TEKT1: variants seen among roughly 807,000 people sequenced by gnomAD.
The protein encoded by TEKT1 is tektin-1.
Under a neutral mutation model 34.8 loss-of-function variants are expected in TEKT1, and 32 were observed. The ratio of observed to expected loss-of-function variants is 0.92; its 90% CI spans 0.69 to 1.23. TEKT1 has a LOEUF of 1.23. Ranked by LOEUF, TEKT1 falls within the 50% of genes most tolerant of loss-of-function variation. The pLI, the probability that TEKT1 is intolerant of heterozygous loss-of-function variation, is 0.00. For missense variants in TEKT1, 492 were observed against 518.5 expected, an observed-to-expected ratio of 0.95 and a Z score of 0.50; for synonymous variants, 207 against 199.8, an observed-to-expected ratio of 1.04 and a Z score of -0.30.
intron 2 of TEKT1, among the ~76,000 whole-genome samples, chr17:6,826,564 T>C (rs1904399966): frequency 1.3e-5 from 2 of 152,148 alleles, no homozygotes; most frequent in African/African-American, 4.8e-5. Flanking sequence ...TATTCTCCCA[T>C]AAGTGTCATT....
At chr17:6,815,391 C>T in intron 4 of TEKT1, 85 bp from the exon 5 acceptor site, 1 of 1,543,930 alleles carries the variant, frequency 6.5e-7, no homozygotes, top group Non-Finnish European at 8.9e-7. Flanking sequence ...GAAAGTGAAG[C>T]TGCAGCTAGG....
intron 6 of TEKT1, among the ~76,000 whole-genome samples, chr17:6,809,513 T>C (rs1976897363): frequency 6.6e-6 from 1 of 152,202 alleles, no homozygotes; most frequent in African/African-American, 2.4e-5. Flanking sequence ...ATTACAGGCA[T>C]GAGCCACCGC....
intron 3 of TEKT1, among the ~76,000 whole-genome samples, chr17:6,817,859 C>T (rs1977027229): frequency 6.6e-6 from 1 of 152,218 alleles, no homozygotes; most frequent in African/African-American, 2.4e-5. Context: ...ATAGTACATG[C>T]TCAGTAAACT....
intron 2 of TEKT1, among the ~76,000 whole-genome samples, chr17:6,828,251 C>A (rs1279431891): frequency 6.6e-6 from 1 of 152,100 alleles, no homozygotes; most frequent in Non-Finnish European, 1.5e-5. Flanking sequence ...GGCGCCTTCT[C>A]ATTTTTAACA....
In TEKT1 at chr17:6,827,301, G is replaced by A. The variant is rs530456799; in HGVS notation, c.190+2886C>T. On this transcript the variant is annotated intron_variant, in intron 2 of 7. Transcript: ENST00000338694. ...TTTGAGATGGAGTCTCGCTCTTGTC[G>A]CCCGGGCTGGAGTGCAGTGGCGTGA... Among the ~76,000 whole-genome samples, 14 of 137,182 alleles carry A rather than the reference G, an allele frequency of 1.0e-4. 1 individual carries two copies. The South Asian group carries it at 2.7e-3, about 27-fold the overall frequency. 90.0% of individuals were successfully genotyped at this position (137,182 alleles called of 152,430 possible).
rs764014131 is a variant in TEKT1, at chr17:6,800,800, G to T, written c.996C>A (p.Val332=). 11 of 1,613,980 alleles carry T rather than the reference G, an allele frequency of 6.8e-6. No individual in the cohort carries two copies. Among genetic ancestry groups the T allele is most frequent in the African/African-American group, 4.0e-5 (3 of 74,902 alleles). ...HRPNVELCRD[V]AQYRLMKEVQ... is the part of the protein sequence containing the mutation. ...CCTCCTTCATTAGCCTATATTGTGCGACATCACGACACAGCTCCACGTTCG... is the reference window on the plus strand; with the variant it reads ...CCTCCTTCATTAGCCTATATTGTGCTACATCACGACACAGCTCCACGTTCG... The change falls in exon 7 of 8, where the codon GTC becomes GTA. Residue 332 remains valine (V), a synonymous_variant. Coordinates refer to ENST00000338694, the MANE Select transcript of TEKT1 (RefSeq NM_053285.2).
At chr17:6,802,947 T>G (rs927850030) in intron 6 of TEKT1, among the ~76,000 whole-genome samples, 4 of 152,118 alleles carry the variant, frequency 2.6e-5, no homozygotes, top group Admixed American at 1.3e-4. Context: ...ATAGCAGCAT[T>G]ATTTATAATC....
chr17:6,815,638 C>T (rs768567964), intron 4 of TEKT1, among the ~76,000 whole-genome samples, 196 bp downstream of exon 4: 4 of 152,192 alleles, frequency 2.6e-5, no homozygotes, highest in Non-Finnish European at 4.4e-5. Context: ...CAGCCCCACC[C>T]TTACCAGAGG....
chr17:6,824,427 C>T (rs762603116), intron 2 of TEKT1, among the ~76,000 whole-genome samples: 14 of 152,146 alleles, frequency 9.2e-5, no homozygotes, highest in African/African-American at 2.4e-4. Context: ...CTCTTCCTCA[C>T]GTACTCTACA....
chr17:6,803,778 G>A (rs1224270437), intron 6 of TEKT1, among the ~76,000 whole-genome samples: 3 of 152,038 alleles, frequency 2.0e-5, no homozygotes, highest in Non-Finnish European at 2.9e-5. Context: ...GTAGATATGC[G>A]GCAGTATTTC....
intron 6 of TEKT1, 57 bp downstream of exon 6, chr17:6,812,774 T>C: frequency 6.4e-7 from 1 of 1,557,960 alleles, no homozygotes; most frequent in African/African-American, 1.3e-5. Context: ...ATTCTTGTTT[T>C]CCATGGTGAA....
chr17:6,825,534 T>C (rs536535302), intron 2 of TEKT1, among the ~76,000 whole-genome samples: 1 of 152,296 alleles, frequency 6.6e-6, no homozygotes, highest in East Asian at 1.9e-4. Flanking sequence ...ACACATATCA[T>C]AAAATTCAAT....
chr17:6,800,116 A>G lies in TEKT1; in HGVS notation c.1168T>C (p.Cys390Arg). Residue 390 changes from cysteine to arginine, a missense_variant, in exon 8 of 8, where the codon TGT becomes CGT. Coordinates refer to ENST00000338694, the MANE Select transcript of TEKT1 (RefSeq NM_053285.2). ...ENTIYIDEVL[C>R]MQMRKSIPLR... ...GGGATGGATTTCCTCATCTGCATAC[A>G]CAGCACTTCGTCGATATAAATGGTG... The G allele has an allele frequency of 6.2e-7, 1 of 1,614,114 alleles. No individual in the cohort carries two copies. Among genetic ancestry groups the G allele is most frequent in the South Asian group, 1.1e-5 (1 of 91,086 alleles).
chr17:6,819,356 G>A lies in TEKT1; in HGVS notation c.193C>T (p.Gln65Ter). 1 of 1,612,022 alleles carries A rather than the reference G, an allele frequency of 6.2e-7. No homozygotes were observed. The highest frequency in any genetic ancestry group is 8.5e-7 in the Non-Finnish European group (1 of 1,179,112). Residue 65 changes from glutamine to a stop codon, truncating the protein, a stop_gained and splice_region_variant, in exon 3 of 8, where the codon CAG becomes TAG. Coordinates refer to ENST00000338694, the MANE Select transcript of TEKT1 (RefSeq NM_053285.2). LOFTEE classifies it high-confidence loss of function. ...CAGAACTGGACTTCCTCGAGTCTCT[G>A]TTCTGAAGCACACGGGGAAGTTACA... ...SQSDVNKKLE[Q>*]RLEEVQFWKK...
rs1363666939 is a variant in TEKT1 at position 6,800,368 on chromosome 17, G to A, written c.1050-134C>T. 2.7e-5 allele frequency: 19 copies of A among 692,878 alleles called. No homozygotes were observed. The South Asian group carries it at 2.8e-4, about 10-fold the overall frequency. The allele number at this position is 692,878 out of a possible 1,614,324, so 42.9% of individuals were successfully genotyped here. A position where few individuals can be genotyped will look rare whatever the true frequency, so the allele number is the denominator to read the frequency against. On this transcript the variant is annotated intron_variant, in intron 7 of 7. Coordinates refer to ENST00000338694, the MANE Select transcript of TEKT1 (RefSeq NM_053285.2). The stretch of plus-strand genomic sequence containing the variant: ...CTTCCCCTTCCTCTCTCCTCATGAA[G>A]ACAGAGATCTCACTAATTTTAGAAT...
At chr17:6,821,974 C>T (rs1266474964) in intron 2 of TEKT1, among the ~76,000 whole-genome samples, 1 of 140,748 alleles carries the variant, frequency 7.1e-6, no homozygotes, top group Non-Finnish European at 1.5e-5. Context: ...AAGCCAGCTA[C>T]AGAAATTTGC....
intron 6 of TEKT1, 99 bp from the exon 7 acceptor site, chr17:6,801,042 A>C: frequency 1.7e-6 from 2 of 1,164,682 alleles, no homozygotes; most frequent in Non-Finnish European, 2.4e-6. Flanking sequence ...AGGAAGAGGG[A>C]ACCTCAGATT....
In TEKT1 at chr17:6,815,840, T is replaced by C. The variant is rs1976997666; in HGVS notation, c.479A>G (p.Gln160Arg). The change falls in exon 4 of 8, where the codon CAG becomes CGG. Residue 160 changes from glutamine to arginine, a missense_variant. Transcript: ENST00000338694. ...LTRTLEEASE[Q>R]IRMNRSAKYN... ...GCAGGCCGAAGAGTCATACCGAATC[T>C]GCTCGGAAGCCTCCTCCAAGGTACG... The C allele has an allele frequency of 1.2e-6, 2 of 1,614,126 alleles. No individual in the cohort carries two copies. Among genetic ancestry groups the C allele is most frequent in the African/African-American group, 1.3e-5 (1 of 74,950 alleles).
chr17:6,815,288 C>T lies in TEKT1; in HGVS notation c.504G>A (p.Lys168=), dbSNP rs746333831. 4.3e-6 allele frequency: 7 copies of T among 1,614,240 alleles called. No homozygotes were observed. Among genetic ancestry groups the T allele is most frequent in the East Asian group, 4.5e-5 (2 of 44,886 alleles). ...SEQIRMNRSA[K]YNLEKDLKDK... ...CCTTCAAATCCTTCTCAAGATTGTA[C>T]TTGGCAGAGCGGTTCATCCTGAAGG... The change falls in exon 5 of 8, where the codon AAG becomes AAA. Residue 168 remains lysine, a synonymous_variant. Coordinates refer to ENST00000338694, the MANE Select transcript of TEKT1 (RefSeq NM_053285.2).
Sources: allele counts gnomAD v4.1 joint callset (sites outside exome capture counted in the v4.1 genomes callset), GRCh38; gene constraint gnomAD v4.1.1; transcripts MANE v1.5; gene names NCBI Gene and HGNC (gene_info 2026-07-23, HGNC 2026-07-21).